Variants in CYP7B1 observed in about 807,000 individuals in gnomAD.
CYP7B1 encodes the protein cytochrome P450 7B1.
CYP7B1 carries 29 observed loss-of-function variants against 42.7 expected under a neutral mutation model. That is an observed-to-expected ratio of 0.68 (90% confidence interval 0.51 to 0.93). The LOEUF is 0.93. CYP7B1 is among the 40% of genes least tolerant of loss of function. The pLI is 0.00. For synonymous variants in CYP7B1, 235 were observed against 218.2 expected, an observed-to-expected ratio of 1.08 and a Z score of -0.68; for missense variants, 655 against 600.5, an observed-to-expected ratio of 1.09 and a Z score of -0.95.
At chr8:64,675,025 T>C (rs979800524) in intron 1 of CYP7B1, among the ~76,000 whole-genome samples, 4 of 152,132 alleles carry the variant, frequency 2.6e-5, no homozygotes, top group Admixed American at 1.3e-4. Flanking sequence ...CTGAGTTTCA[T>C]AGGGTGGTAA....
At chr8:64,694,898 TA>T (rs1806800845) in intron 1 of CYP7B1, among the ~76,000 whole-genome samples, 1 of 152,178 alleles carries the variant, frequency 6.6e-6, no homozygotes, top group Admixed American at 6.5e-5. Flanking sequence ...ATATCTGTAA[TA>T]ACAAACTGCA....
In CYP7B1 at chr8:64,666,827, C is replaced by T. The variant is rs112173796; in HGVS notation, c.123-42288G>A. ...ACATACAGCACCCAAACAACAAATG[C>T]TGCTGGCTATTTAAAAATAAAGTTG... On this transcript the variant is annotated intron_variant, in intron 1 of 5. Transcript: ENST00000310193. Among the ~76,000 whole-genome samples the T allele has an allele frequency of 1.2e-3, 187 of 152,308 alleles. 2 individuals carry two copies. The highest frequency in any genetic ancestry group is 4.4e-3 in the African/African-American group (183 of 41,568).
At chr8:64,637,040 G>T (rs958596377) in intron 1 of CYP7B1, among the ~76,000 whole-genome samples, 1 of 152,106 alleles carries the variant, frequency 6.6e-6, no homozygotes, top group African/African-American at 2.4e-5. Context: ...CAGTTTTGTG[G>T]AAACTAAATT....
chr8:64,728,294 T>C (rs577805696), intron 1 of CYP7B1, among the ~76,000 whole-genome samples: 1 of 152,332 alleles, frequency 6.6e-6, no homozygotes, highest in South Asian at 2.1e-4. Context: ...TTACCAAGTA[T>C]ATTGTTACCA....
At chr8:64,639,882 G>A (rs1043868687) in intron 1 of CYP7B1, among the ~76,000 whole-genome samples, 1 of 151,444 alleles carries the variant, frequency 6.6e-6, no homozygotes, top group African/African-American at 2.4e-5. Flanking sequence ...ATTAGTGAAT[G>A]GGTAAACAAA....
chr8:64,765,023 C>T (rs1454769563), intron 1 of CYP7B1, among the ~76,000 whole-genome samples: 4 of 149,694 alleles, frequency 2.7e-5, no homozygotes, highest in African/African-American at 7.4e-5. Flanking sequence ...GATAGGGAAA[C>T]TCTTGTAGAA....
rs562192770 is a variant in CYP7B1 at position 64,671,559 on chromosome 8, C to G, written c.123-47020G>C. On this transcript the variant is annotated intron_variant, in intron 1 of 5. Coordinates refer to ENST00000310193, the MANE Select transcript of CYP7B1 (RefSeq NM_004820.5). The stretch of plus-strand genomic sequence containing the variant: ...AGTAGAAAGGCCTTAAAAGCAAAAC[C>G]AAGTTTTTCCTGAGAAATAGAAAAT... 3.3e-5 allele frequency among the ~76,000 whole-genome samples: 5 copies of G among 152,164 alleles called. No homozygotes were observed. In the East Asian group the frequency reaches 9.7e-4, roughly 29 times the overall value.
In CYP7B1 at chr8:64,595,568, T is replaced by C. The variant is rs1452031419; in HGVS notation, c.*1074A>G. ...CAAGGGACCAAAGCGGGAGGATCAC[T>C]TGAGGTCAGGATTTGAGACCAGCCT... is the stretch of plus-strand genomic sequence containing the variant. On this transcript the variant is annotated 3_prime_UTR_variant, in exon 6 of 6. Transcript: ENST00000310193. 6.6e-6 allele frequency among the ~76,000 whole-genome samples: 1 copy of C among 152,150 alleles called. No individual in the cohort carries two copies. Among genetic ancestry groups the C allele is most frequent in the East Asian group, 1.9e-4 (1 of 5,200 alleles).
intron 4 of CYP7B1, 76 bp from the exon 5 acceptor site, chr8:64,604,933 T>C: frequency 7.0e-7 from 1 of 1,436,568 alleles, no homozygotes; most frequent in Non-Finnish European, 9.6e-7. Flanking sequence ...GCAATAAAAC[T>C]CATTACTAAT....
chr8:64,765,922 A>C (rs960052574), intron 1 of CYP7B1, among the ~76,000 whole-genome samples: 1 of 152,328 alleles, frequency 6.6e-6, no homozygotes, highest in South Asian at 2.1e-4. Flanking sequence ...ATGTTTTACA[A>C]GGGTTAGGAC....
At chr8:64,787,013 C>T (rs911461897) in intron 1 of CYP7B1, among the ~76,000 whole-genome samples, 37 of 152,356 alleles carry the variant, frequency 2.4e-4, no homozygotes, top group Non-Finnish European at 2.8e-4. Flanking sequence ...GCTGAGGCAT[C>T]TGGGACACAG....
intron 1 of CYP7B1, among the ~76,000 whole-genome samples, chr8:64,699,664 T>G (rs1806883163): frequency 6.6e-6 from 1 of 152,160 alleles, no homozygotes; most frequent in Non-Finnish European, 1.5e-5. Context: ...GTTCCATTTT[T>G]TGCTTAGTGT....
At chr8:64,793,871 C>A (rs1287797554) in intron 1 of CYP7B1, among the ~76,000 whole-genome samples, 1 of 151,308 alleles carries the variant, frequency 6.6e-6, no homozygotes, top group Non-Finnish European at 1.5e-5. Flanking sequence ...TAGATATAAC[C>A]ACTGGTAAAT....
intron 4 of CYP7B1, among the ~76,000 whole-genome samples, chr8:64,605,867 C>T (rs1393599704): frequency 6.6e-6 from 1 of 152,178 alleles, no homozygotes; most frequent in Admixed American, 6.5e-5. Context: ...CACACACACA[C>T]AGAGCCCCGT....
chr8:64,603,599 T>C (rs779073163), intron 5 of CYP7B1, among the ~76,000 whole-genome samples: 20 of 152,246 alleles, frequency 1.3e-4, no homozygotes, highest in Non-Finnish European at 1.0e-4. Flanking sequence ...CTTACAAATG[T>C]GGAGATAAAG....
At chr8:64,606,587 A>G (rs1011684471) in intron 4 of CYP7B1, among the ~76,000 whole-genome samples, 1 of 152,202 alleles carries the variant, frequency 6.6e-6, no homozygotes, top group Non-Finnish European at 1.5e-5. Flanking sequence ...GCTCTCGGGA[A>G]GCATGGCAGC....
At chr8:64,662,360 G>A (rs1388554874) in intron 1 of CYP7B1, among the ~76,000 whole-genome samples, 2 of 152,022 alleles carry the variant, frequency 1.3e-5, no homozygotes, top group Non-Finnish European at 2.9e-5. Flanking sequence ...AAAAATAAGC[G>A]ACATGATAAT....
intron 1 of CYP7B1, among the ~76,000 whole-genome samples, chr8:64,733,256 C>T (rs1043072017): frequency 4.6e-5 from 7 of 152,090 alleles, no homozygotes; most frequent in African/African-American, 1.7e-4. Flanking sequence ...AGAGATGGGT[C>T]CCCCTACTAT....
At chr8:64,782,764 T>C (rs1210559647) in intron 1 of CYP7B1, among the ~76,000 whole-genome samples, 1 of 152,194 alleles carries the variant, frequency 6.6e-6, no homozygotes, top group Non-Finnish European at 1.5e-5. Flanking sequence ...TTGATCCAAT[T>C]AGCACTCCTG....
Sources: gnomAD v4.1 joint callset for allele counts (sites outside exome capture counted in the v4.1 genomes callset) on GRCh38, gnomAD v4.1.1 for gene constraint, MANE v1.5 for transcripts, NCBI Gene and HGNC (gene_info 2026-07-23, HGNC 2026-07-21) for gene names.